SUFU: variants seen among roughly 807,000 people sequenced by gnomAD.
SUFU encodes the protein suppressor of fused homolog.
SUFU carries 7 observed loss-of-function variants against 58.9 expected under a neutral mutation model. That is an observed-to-expected ratio of 0.12 (90% CI 0.07 to 0.22). SUFU has a LOEUF of 0.22. Ranked by LOEUF, SUFU falls within the 10% of genes least tolerant of loss-of-function variation. The probability of loss-of-function intolerance (pLI) is 1.00; values close to 1 mark genes in which losing one functional copy is unlikely to be tolerated. For synonymous variants in SUFU, 232 were observed against 254.8 expected (o/e 0.91, Z 0.85); for missense variants, 451 against 641.3 (o/e 0.70, Z 3.20).
At chr10:102,614,375 G>A (rs1469436058) in intron 8 of SUFU, among the ~76,000 whole-genome samples, 1 of 151,710 alleles carries the variant, frequency 6.6e-6, no homozygotes, top group East Asian at 1.9e-4. Flanking sequence ...TGCCAACATG[G>A]TGAAACCCTG....
intron 2 of SUFU, among the ~76,000 whole-genome samples, chr10:102,509,575 T>C (rs1408013621): frequency 1.3e-5 from 2 of 152,220 alleles, no homozygotes; most frequent in Non-Finnish European, 2.9e-5. Context: ...GAAGGTAGCA[T>C]GGTTATGACT....
At chr10:102,531,659 A>C (rs187545403) in intron 2 of SUFU, among the ~76,000 whole-genome samples, 1 of 48 alleles carries the variant, frequency 0.021, no homozygotes, top group Admixed American at 0.25. Context: ...TCAGGGTCCC[A>C]AATAAGGGAT....
intron 3 of SUFU, among the ~76,000 whole-genome samples, chr10:102,568,897 AATATATATAT>A (rs1208688793): frequency 4.1e-4 from 7 of 17,038 alleles, no homozygotes; most frequent in Admixed American, 2.4e-3. Context: ...AAAAAAAAAA[AATATATATAT>A]ATATATATAT....
At chr10:102,586,181 G>A (rs1039333433) in intron 3 of SUFU, among the ~76,000 whole-genome samples, 13 of 151,684 alleles carry the variant, frequency 8.6e-5, no homozygotes, top group Non-Finnish European at 1.8e-4. Flanking sequence ...CACCATGCCC[G>A]GCCAGCTATT....
chr10:102,591,061 A>T (rs1310924498), intron 3 of SUFU: 1 of 152,178 alleles, frequency 6.6e-6, no homozygotes, highest in Non-Finnish European at 1.5e-5. Flanking sequence ...CTGTGTGTGT[A>T]TGTGTGTGTT....
At chr10:102,504,418 G>A in intron 1 of SUFU, 84 bp downstream of exon 1, 1 of 1,577,324 alleles carries the variant, frequency 6.3e-7, no homozygotes, top group South Asian at 1.1e-5. Flanking sequence ...GTGGGAGGTG[G>A]GAGGAGGGGT....
intron 3 of SUFU, among the ~76,000 whole-genome samples, chr10:102,582,143 G>T (rs950484921): frequency 6.6e-6 from 1 of 152,138 alleles, no homozygotes; most frequent in Non-Finnish European, 1.5e-5. Context: ...CAAGCTTCAC[G>T]CTCCTGGGCT....
At chr10:102,580,031 C>CA (rs150297715) in intron 3 of SUFU, among the ~76,000 whole-genome samples, 14,229 of 95,708 alleles carry the variant, frequency 0.15, 2,072 homozygotes, top group East Asian at 0.52. Context: ...TCCCCCGCAC[C>CA]CCCCCCCCGC....
chr10:102,506,226 G>A (rs1395234015), intron 1 of SUFU, among the ~76,000 whole-genome samples: 3 of 151,998 alleles, frequency 2.0e-5, no homozygotes, highest in Non-Finnish European at 2.9e-5. Flanking sequence ...AGGACTAAGG[G>A]CAATTTTTTT....
chr10:102,563,110 T>G, intron 3 of SUFU, among the ~76,000 whole-genome samples: 1 of 152,206 alleles, frequency 6.6e-6, no homozygotes. Flanking sequence ...CTCTGCGTGC[T>G]CCAGCCTCTC....
chr10:102,525,082 C>T (rs778515272), intron 2 of SUFU, among the ~76,000 whole-genome samples: 1 of 152,148 alleles, frequency 6.6e-6, no homozygotes, highest in Non-Finnish European at 1.5e-5. Flanking sequence ...GAAAAATTGT[C>T]TGAACCTTGC....
chr10:102,517,383 C>T (rs1319133548), intron 2 of SUFU, among the ~76,000 whole-genome samples: 1 of 152,118 alleles, frequency 6.6e-6, no homozygotes, highest in African/African-American at 2.4e-5. Flanking sequence ...CCAGGTAGGT[C>T]AGCGCTGGGA....
rs184271250 is a variant in SUFU, at chr10:102,594,831, G to T, written c.756+766G>T. 2.5e-4 allele frequency among the ~76,000 whole-genome samples: 38 copies of T among 152,266 alleles called. 1 individual carries two copies. In the East Asian group the frequency reaches 6.8e-3, roughly 27 times the overall value. On this transcript the variant is annotated intron_variant, in intron 6 of 11. Coordinates refer to ENST00000369902, the MANE Select transcript of SUFU (RefSeq NM_016169.4). ...CCTCCCAGGGTCAAGCAGTTCTCCT[G>T]CCTCAGCCTCCCGAGTAGCTGAGAT...
chr10:102,588,170 G>A (rs763242337), intron 3 of SUFU, among the ~76,000 whole-genome samples: 2 of 152,128 alleles, frequency 1.3e-5, no homozygotes, highest in Non-Finnish European at 1.5e-5. Flanking sequence ...GCCGAGGCAC[G>A]CGGATCACGA....
chr10:102,504,199 C>A lies in SUFU; in HGVS notation c.47C>A (p.Pro16Gln). 1 of 1,582,176 alleles carries A rather than the reference C, an allele frequency of 6.3e-7. No individual in the cohort carries two copies. Among genetic ancestry groups the A allele is most frequent in the Non-Finnish European group, 8.6e-7 (1 of 1,165,784 alleles). ...PSGAPGPTAP[P>Q]APGPTAPPAF... ...GGCGCCCCCGGCCCCACCGCGCCCC[C>A]GGCCCCTGGCCCGACTGCCCCCCCG... The change falls in exon 1 of 12, where the codon CCG (proline) becomes CAG (glutamine). Residue 16 changes from proline (P) to glutamine (Q), a missense_variant. Coordinates refer to ENST00000369902, the MANE Select transcript of SUFU (RefSeq NM_016169.4).
chr10:102,613,511 C>A (rs1431386507), intron 8 of SUFU, among the ~76,000 whole-genome samples: 1 of 152,256 alleles, frequency 6.6e-6, no homozygotes, highest in Non-Finnish European at 1.5e-5. Context: ...TGGGGTGCCA[C>A]CCTGGCTGCA....
chr10:102,526,119 C>CA (rs1403053150), intron 2 of SUFU, among the ~76,000 whole-genome samples: 1 of 152,020 alleles, frequency 6.6e-6, no homozygotes, highest in Non-Finnish European at 1.5e-5. Flanking sequence ...AGCATGGGAC[C>CA]ACCAGGTTGC....
chr10:102,529,604 G>A (rs1051308043), intron 2 of SUFU, among the ~76,000 whole-genome samples: 3 of 152,096 alleles, frequency 2.0e-5, no homozygotes, highest in Non-Finnish European at 4.4e-5. Context: ...GGCTGAGGCA[G>A]CAGTGAGCCA....
At chr10:102,534,584 ATCC>A (rs2062713971) in intron 2 of SUFU, among the ~76,000 whole-genome samples, 1 of 152,230 alleles carries the variant, frequency 6.6e-6, no homozygotes, top group Non-Finnish European at 1.5e-5. Context: ...ACTGTCGTTC[ATCC>A]TCTGCGTAGG....
Sources: allele counts gnomAD v4.1 joint callset (sites outside exome capture counted in the v4.1 genomes callset), GRCh38; gene constraint gnomAD v4.1.1; transcripts MANE v1.5; gene names NCBI Gene and HGNC (gene_info 2026-07-23, HGNC 2026-07-21).